Variants in ALK observed in about 807,000 individuals in gnomAD.
The protein encoded by ALK is ALK tyrosine kinase receptor.
A neutral mutation model predicts 163.1 loss-of-function variants in ALK; 74 were observed. That is an observed-to-expected ratio of 0.45 (90% CI 0.38 to 0.55). The LOEUF is 0.55. Ranked by LOEUF, ALK falls within the 20% of genes least tolerant of loss-of-function variation. The probability of loss-of-function intolerance (pLI) is 0.00; values close to 1 mark genes in which losing one functional copy is unlikely to be tolerated. For missense variants in ALK, 2,063 were observed against 2,105.3 expected (o/e 0.98, Z 0.39); for synonymous variants, 960 against 843.2 (o/e 1.14, Z -2.40).
chr2:29,677,847 G>A (rs1217002642), intron 3 of ALK, among the ~76,000 whole-genome samples: 1 of 152,032 alleles, frequency 6.6e-6, no homozygotes, highest in East Asian at 1.9e-4. Flanking sequence ...AAAAGAATAT[G>A]TCAATAATTG....
At chr2:29,785,466 C>G (rs1307364173) in intron 1 of ALK, among the ~76,000 whole-genome samples, 1 of 152,188 alleles carries the variant, frequency 6.6e-6, no homozygotes, top group African/African-American at 2.4e-5. Context: ...GCCCAAGACT[C>G]AAGCCTACCT....
intron 3 of ALK, among the ~76,000 whole-genome samples, chr2:29,544,507 A>G (rs758135191): frequency 6.6e-5 from 10 of 152,198 alleles, no homozygotes; most frequent in Non-Finnish European, 1.0e-4. Context: ...CACACTTTGG[A>G]TACCCTCCTC....
At chr2:29,200,846 T>TAC (rs1303708694) in intron 26 of ALK, among the ~76,000 whole-genome samples, 1 of 148,070 alleles carries the variant, frequency 6.8e-6, no homozygotes, top group Non-Finnish European at 1.5e-5. Flanking sequence ...TGTGTGTGTA[T>TAC]ATAGATACGT....
At chr2:29,717,122 A>T (rs1190241782) in intron 2 of ALK, among the ~76,000 whole-genome samples, 1 of 144,538 alleles carries the variant, frequency 6.9e-6, no homozygotes, top group East Asian at 2.1e-4. Context: ...CAGTGGGCCG[A>T]GATCGTGCCA....
chr2:29,450,179 T>C (rs913799631), intron 4 of ALK, among the ~76,000 whole-genome samples: 1 of 152,156 alleles, frequency 6.6e-6, no homozygotes, highest in African/African-American at 2.4e-5. Flanking sequence ...TCTGAGCCCA[T>C]GCAGCGAACA....
chr2:29,266,702 G>A (rs1409252132), intron 11 of ALK, among the ~76,000 whole-genome samples: 2 of 152,170 alleles, frequency 1.3e-5, no homozygotes, highest in Non-Finnish European at 2.9e-5. Flanking sequence ...CAGAACCTTG[G>A]TCTCTGGGAT....
chr2:29,448,062 G>C (rs1454942116), intron 4 of ALK, among the ~76,000 whole-genome samples: 1 of 152,170 alleles, frequency 6.6e-6, no homozygotes, highest in Non-Finnish European at 1.5e-5. Flanking sequence ...GCCAGATGCA[G>C]CAATTTATGG....
intron 4 of ALK, among the ~76,000 whole-genome samples, chr2:29,391,668 C>T (rs1359683476): frequency 6.6e-6 from 1 of 152,122 alleles, no homozygotes; most frequent in African/African-American, 2.4e-5. Flanking sequence ...TGTTCCCTCC[C>T]TCCCTGTCTC....
chr2:29,372,494 A>G (rs555149349), intron 5 of ALK, among the ~76,000 whole-genome samples: 13 of 152,232 alleles, frequency 8.5e-5, no homozygotes, highest in Non-Finnish European at 1.9e-4. Flanking sequence ...ATGATCTGCA[A>G]TTTGGACACA....
chr2:29,572,808 A>T (rs1300939225), intron 3 of ALK, among the ~76,000 whole-genome samples: 1 of 152,080 alleles, frequency 6.6e-6, no homozygotes, highest in Non-Finnish European at 1.5e-5. Flanking sequence ...TCATCCACCC[A>T]TTCCTTCAGT....
intron 13 of ALK, among the ~76,000 whole-genome samples, chr2:29,235,399 G>A (rs945046891): frequency 6.6e-6 from 1 of 152,078 alleles, no homozygotes; most frequent in Non-Finnish European, 1.5e-5. Context: ...ATAAATAGCC[G>A]AGATGCAGTT....
chr2:29,692,325 A>C (rs1573559802), intron 3 of ALK, among the ~76,000 whole-genome samples: 1 of 152,150 alleles, frequency 6.6e-6, no homozygotes, highest in African/African-American at 2.4e-5. Context: ...TACCCAATGA[A>C]ATGGAAGATG....
chr2:29,459,811 A>T (rs67622433), intron 4 of ALK, among the ~76,000 whole-genome samples: 24,280 of 152,144 alleles, frequency 0.16, 2,178 homozygotes, highest in East Asian at 0.36. Context: ...TAGTAACTGC[A>T]TACCTCTGAA....
At chr2:29,567,225 C>A (rs575919816) in intron 3 of ALK, among the ~76,000 whole-genome samples, 1 of 152,158 alleles carries the variant, frequency 6.6e-6, no homozygotes, top group Admixed American at 6.5e-5. Context: ...TCTTACTGGG[C>A]GTCAGCATTC....
intron 1 of ALK, among the ~76,000 whole-genome samples, chr2:29,825,529 TA>T (rs1048483784): frequency 8.5e-5 from 13 of 152,232 alleles, no homozygotes; most frequent in Admixed American, 6.5e-5. Flanking sequence ...GGCTAGGCCA[TA>T]GCATGCAAGG....
chr2:29,213,833 AAAAC>A (rs1669527289), intron 24 of ALK, 147 bp downstream of exon 24: 1 of 708,458 alleles, frequency 1.4e-6, no homozygotes, highest in African/African-American at 1.8e-5. Context: ...AAAAAACAAT[AAAAC>A]AAAGCTGAAT....
At chr2:29,407,760 C>T (rs142157050) in intron 4 of ALK, among the ~76,000 whole-genome samples, 2 of 152,364 alleles carry the variant, frequency 1.3e-5, no homozygotes, top group African/African-American at 4.8e-5. Context: ...TTCAGAGCTT[C>T]CCAGGGCTAT....
At position 29,249,560 on chromosome 2, in the gene ALK, G is replaced by A. The variant is rs1158554465; in HGVS notation, c.2204+1545C>T. On this transcript the variant is annotated intron_variant, in intron 12 of 28. Transcript: ENST00000389048. ...ACAGACTTTGAGCCAGAGCACCCTG[G>A]GTTTGAATCCCAGCTCCATCACTGA... Among the ~76,000 whole-genome samples, 5 of 152,240 alleles carry A rather than the reference G, an allele frequency of 3.3e-5. No homozygotes were observed. In the East Asian group the frequency reaches 9.7e-4, roughly 29 times the overall value.
intron 1 of ALK, among the ~76,000 whole-genome samples, chr2:29,886,762 C>A (rs550851544): frequency 1.1e-4 from 16 of 152,336 alleles, no homozygotes; most frequent in African/African-American, 3.8e-4. Flanking sequence ...ACATGGGAAT[C>A]ATTATACCTA....
Sources: allele counts gnomAD v4.1 joint callset (sites outside exome capture counted in the v4.1 genomes callset), GRCh38; gene constraint gnomAD v4.1.1; transcripts MANE v1.5; gene names NCBI Gene and HGNC (gene_info 2026-07-23, HGNC 2026-07-21).